The following CREBBP variants were observed in gnomAD, a reference collection of about 807,000 sequenced individuals.
CREBBP encodes CREB-binding protein.
Under a neutral mutation model 265.0 loss-of-function variants are expected in CREBBP, and 19 were observed. That is an observed-to-expected ratio of 0.07 (90% CI 0.05 to 0.11). The LOEUF is 0.11. Ranked by LOEUF, CREBBP falls within the 10% of genes least tolerant of loss-of-function variation. The probability of loss-of-function intolerance (pLI) is 1.00; values close to 1 mark genes in which losing one functional copy is unlikely to be tolerated. For synonymous variants in CREBBP, 1,457 were observed against 1,223.7 expected (o/e 1.19, Z -3.98); for missense variants, 2,525 against 3,219.0 (o/e 0.78, Z 5.22).
At position 3,780,814 on chromosome 16, in the gene CREBBP, C is replaced by T. The variant is rs747668624; in HGVS notation, c.1741G>A (p.Ala581Thr). ...IGTLSTIPTA[A>T]PPSSTGVRKG... ...CTTACACCGGTGCTAGAAGGAGGAGCTGCTGTTGGTATAGTGCTGAGGGTT... is the reference window on the plus strand; with the variant it reads ...CTTACACCGGTGCTAGAAGGAGGAGTTGCTGTTGGTATAGTGCTGAGGGTT... The change falls in exon 8 of 31, where the codon GCT (alanine) becomes ACT (threonine). Residue 581 changes from alanine to threonine, a missense_variant. By Grantham distance (58) the Ala-to-Thr change is moderately conservative. Transcript: ENST00000262367. 5 of 1,613,872 alleles carry T rather than the reference C, an allele frequency of 3.1e-6. No homozygotes were observed. Among genetic ancestry groups the T allele is most frequent in the Non-Finnish European group, 4.2e-6 (5 of 1,180,030 alleles).
intron 28 of CREBBP, among the ~76,000 whole-genome samples, chr16:3,735,726 G>A (rs1596802719): frequency 6.6e-6 from 1 of 152,308 alleles, no homozygotes; most frequent in East Asian, 1.9e-4. Flanking sequence ...TGGCAACCCT[G>A]TGCCTCCTCG....
intron 16 of CREBBP, among the ~76,000 whole-genome samples, chr16:3,765,807 C>A (rs528283134): frequency 6.6e-6 from 1 of 152,134 alleles, no homozygotes; most frequent in East Asian, 1.9e-4. Flanking sequence ...ACTACCATAC[C>A]CAGCTAATTT....
chr16:3,771,704 G>C (rs1055248276), intron 13 of CREBBP, among the ~76,000 whole-genome samples: 35 of 151,822 alleles, frequency 2.3e-4, no homozygotes, highest in African/African-American at 8.2e-4. Flanking sequence ...TCTACAGTGT[G>C]GAAATGCTGG....
At chr16:3,858,229 G>A (rs1028800592) in intron 1 of CREBBP, among the ~76,000 whole-genome samples, 2 of 152,188 alleles carry the variant, frequency 1.3e-5, no homozygotes, top group Non-Finnish European at 2.9e-5. Flanking sequence ...AAATCAATCT[G>A]TGCAGCCAAT....
chr16:3,762,652 C>T (rs917539558), intron 16 of CREBBP, among the ~76,000 whole-genome samples: 5 of 152,166 alleles, frequency 3.3e-5, no homozygotes, highest in African/African-American at 1.2e-4. Context: ...CCCAAAAACG[C>T]GGCTCTCGAG....
At chr16:3,878,130 TCAA>T (rs1285829932) in intron 1 of CREBBP, among the ~76,000 whole-genome samples, 1 of 152,216 alleles carries the variant, frequency 6.6e-6, no homozygotes. Flanking sequence ...ACAAATTCAT[TCAA>T]CAACAGCAAA....
Position 3,849,449 on chromosome 16 carries a change from GT to G in CREBBP, c.798+847del, listed in dbSNP as rs376459411. Among the ~76,000 whole-genome samples the G allele has an allele frequency of 3.4e-3, 169 of 49,026 alleles. 3 individuals carry two copies. Among genetic ancestry groups the G allele is most frequent in the South Asian group, 6.1e-3 (7 of 1,140 alleles). 32.2% of individuals were successfully genotyped at this position (49,026 alleles called of 152,430 possible). ...TGTGTGTGTGTGTGTGTGTGTGTGT[GT>G]GTGTGTGTGTGTGTGTGTGTGTGTG... is the stretch of plus-strand genomic sequence containing the variant. On this transcript the variant is annotated intron_variant, in intron 2 of 30. Coordinates refer to ENST00000262367, the MANE Select transcript of CREBBP (RefSeq NM_004380.3).
chr16:3,767,283 C>T (rs2052878350), intron 16 of CREBBP: 1 of 189,756 alleles, frequency 5.3e-6, no homozygotes, highest in East Asian at 1.4e-4. Context: ...CCTGCAGAAA[C>T]CTTCTGCCTC....
At position 3,796,409 on chromosome 16, in the gene CREBBP, G is replaced by C. The variant is rs950441149; in HGVS notation, c.976-2783C>G. ...GTACTTTTTTTTTTTTTTTTGAGAC[G>C]GGAGTCTCACTCTATCGCCTAAGCT... is the stretch of plus-strand genomic sequence containing the variant. On this transcript the variant is annotated intron_variant, in intron 3 of 30. Transcript: ENST00000262367. Among the ~76,000 whole-genome samples the C allele has an allele frequency of 1.2e-4, 18 of 145,746 alleles. No homozygotes were observed. The South Asian group carries it at 3.2e-3, about 26-fold the overall frequency.
intron 1 of CREBBP, among the ~76,000 whole-genome samples, chr16:3,868,466 T>C (rs895165217): frequency 1.6e-5 from 2 of 128,882 alleles, no homozygotes; most frequent in African/African-American, 5.0e-5. Flanking sequence ...TCTAGACTTC[T>C]GGAAAATAAA....
At chr16:3,860,124 G>A (rs2055043945) in intron 1 of CREBBP, among the ~76,000 whole-genome samples, 1 of 152,132 alleles carries the variant, frequency 6.6e-6, no homozygotes, top group Non-Finnish European at 1.5e-5. Context: ...CGGTGTGTGT[G>A]TGTGGCTGGG....
chr16:3,836,250 A>G (rs1381787514), intron 2 of CREBBP, among the ~76,000 whole-genome samples: 2 of 151,776 alleles, frequency 1.3e-5, no homozygotes. Context: ...CCTGGCCAAC[A>G]TGGTGAAACC....
chr16:3,797,654 TGCTGGTAAGTGAAACCCCAGAAA>T (rs2053634240), intron 3 of CREBBP, among the ~76,000 whole-genome samples: 1 of 152,112 alleles, frequency 6.6e-6, no homozygotes, highest in African/African-American at 2.4e-5. Context: ...ATTTTGTGAT[TGCTGGTAAGTGAAACCCCAGAAA>T]GTGAAACCCC....
At chr16:3,857,747 C>A (rs2054993646) in intron 1 of CREBBP, among the ~76,000 whole-genome samples, 1 of 152,218 alleles carries the variant, frequency 6.6e-6, no homozygotes, top group African/African-American at 2.4e-5. Context: ...CAGCCGATAT[C>A]AAATAGCGAA....
chr16:3,816,444 T>C (rs921291890), intron 2 of CREBBP, among the ~76,000 whole-genome samples: 1 of 152,130 alleles, frequency 6.6e-6, no homozygotes, highest in African/African-American at 2.4e-5. Context: ...GACTGCAGTG[T>C]GAGCTCTGAT....
Position 3,845,148 on chromosome 16 carries a change from C to T in CREBBP, c.798+5149G>A, listed in dbSNP as rs112185504. Among the ~76,000 whole-genome samples, 1,506 of 152,292 alleles carry T rather than the reference C, an allele frequency of 9.9e-3. 29 individuals are homozygous for T. The highest frequency in any genetic ancestry group is 0.034 in the African/African-American group (1,394 of 41,554). On this transcript the variant is annotated intron_variant, in intron 2 of 30. Transcript: ENST00000262367. Reference sequence around the variant, plus strand: ...CAACCCTGGCTGCCATGAAAGTCATCTGAGGAACTACACACTATACGAATG... The same window carrying T: ...CAACCCTGGCTGCCATGAAAGTCATTTGAGGAACTACACACTATACGAATG...
chr16:3,792,790 T>C (rs1222450450), intron 4 of CREBBP, among the ~76,000 whole-genome samples: 1 of 152,024 alleles, frequency 6.6e-6, no homozygotes, highest in East Asian at 1.9e-4. Flanking sequence ...CTTCCTTCGG[T>C]AGAAATGAGG....
chr16:3,738,569 T>C lies in CREBBP; in HGVS notation c.4384A>G (p.Lys1462Glu). 1 of 1,606,084 alleles carries C rather than the reference T, an allele frequency of 6.2e-7. No individual in the cohort carries two copies. The highest frequency in any genetic ancestry group is 8.5e-7 in the Non-Finnish European group (1 of 1,172,648). Residue 1462 changes from lysine to glutamate, a missense_variant, in exon 26 of 31, where the codon AAG becomes GAG. By Grantham distance (56) the Lys-to-Glu change is moderately conservative. Around this residue, in one of 19 missense-constraint regions of CREBBP, gnomAD observed 252 missense variants for 452.5 expected, o/e 0.56. Coordinates refer to ENST00000262367, the MANE Select transcript of CREBBP (RefSeq NM_004380.3). ...TTAATCCAAACTCACCCTAATTTCT[T>C]CACATACTCTAAATATCCAATAAGG... ...EILIGYLEYV[K>E]KLGYVTGHIW...
intron 16 of CREBBP, 166 bp downstream of exon 16, chr16:3,767,554 G>T: frequency 2.2e-6 from 2 of 907,650 alleles, no homozygotes; most frequent in Non-Finnish European, 1.7e-6. Flanking sequence ...CAGGGGTCCT[G>T]CTCAGCCTGA....
Sources: allele counts gnomAD v4.1 joint callset (sites outside exome capture counted in the v4.1 genomes callset), GRCh38; gene constraint gnomAD v4.1.1; regional missense constraint gnomAD v4.1.1; transcripts MANE v1.5; gene names NCBI Gene and HGNC (gene_info 2026-07-23, HGNC 2026-07-21).